Variants in UNC13C observed in about 807,000 individuals in gnomAD.
UNC13C encodes the protein protein unc-13 homolog C.
Under a neutral mutation model 245.4 loss-of-function variants are expected in UNC13C, and 174 were observed. That is an observed-to-expected ratio of 0.71 (90% CI 0.63 to 0.80). The LOEUF is 0.80. UNC13C is among the 30% of genes least tolerant of loss of function. UNC13C has a pLI of 0.00. For synonymous variants in UNC13C, 992 were observed against 895.1 expected (o/e 1.11, Z -1.93); for missense variants, 2,829 against 2,602.9 (o/e 1.09, Z -1.89).
the UNC13C span, among the ~76,000 whole-genome samples, chr15:53,943,527 G>A: frequency 2.0e-5 from 3 of 152,014 alleles, no homozygotes; most frequent in South Asian, 6.2e-4. Flanking sequence ...TAGAAATTTT[G>A]GAAGAACTGA....
chr15:53,958,860 A>G, the UNC13C span, among the ~76,000 whole-genome samples: 2 of 152,174 alleles, frequency 1.3e-5, no homozygotes, highest in African/African-American at 4.8e-5. Flanking sequence ...ATTATTAACT[A>G]TAATTACTGT....
chr15:54,571,921 G>A (rs1015836895), intron 30 of UNC13C, among the ~76,000 whole-genome samples: 1 of 152,190 alleles, frequency 6.6e-6, no homozygotes, highest in Non-Finnish European at 1.5e-5. Flanking sequence ...TATGAGATGG[G>A]ATCCAGTTTC....
chr15:53,898,347 T>C, the UNC13C span, among the ~76,000 whole-genome samples: 1 of 152,206 alleles, frequency 6.6e-6, no homozygotes, highest in African/African-American at 2.4e-5. Flanking sequence ...GGTAAGGTTA[T>C]TGAGTGCAGC....
chr15:54,233,207 G>A (rs1239655259), intron 4 of UNC13C, among the ~76,000 whole-genome samples: 2 of 152,168 alleles, frequency 1.3e-5, no homozygotes, highest in African/African-American at 4.8e-5. Context: ...TCTGGGCAAT[G>A]AGGGAAATCA....
the UNC13C span, among the ~76,000 whole-genome samples, chr15:53,945,255 C>T: frequency 1.9e-4 from 29 of 152,152 alleles, no homozygotes; most frequent in African/African-American, 6.7e-4. Flanking sequence ...CAATTAGATC[C>T]CATTTGTCAA....
At chr15:54,224,159 C>T (rs548977721) in intron 4 of UNC13C, among the ~76,000 whole-genome samples, 1 of 152,072 alleles carries the variant, frequency 6.6e-6, no homozygotes, top group Non-Finnish European at 1.5e-5. Flanking sequence ...GCTAGGACTT[C>T]CAGTACTACG....
chr15:54,496,552 C>T (rs1391217058), intron 20 of UNC13C, among the ~76,000 whole-genome samples: 1 of 151,962 alleles, frequency 6.6e-6, no homozygotes, highest in Non-Finnish European at 1.5e-5. Context: ...AGCCCAAATG[C>T]CCATCAATCA....
chr15:54,022,651 C>A (rs915075648), intron 2 of UNC13C, among the ~76,000 whole-genome samples: 8 of 152,098 alleles, frequency 5.3e-5, no homozygotes, highest in African/African-American at 1.9e-4. Context: ...GACATTAGCC[C>A]CTTATCAAAT....
intron 4 of UNC13C, among the ~76,000 whole-genome samples, chr15:54,198,669 C>G (rs770505007): frequency 2.0e-5 from 3 of 152,092 alleles, no homozygotes; most frequent in Non-Finnish European, 4.4e-5. Context: ...AGGAGAGCAC[C>G]ACATCAAGGG....
intron 2 of UNC13C, among the ~76,000 whole-genome samples, chr15:54,091,896 G>A (rs935996185): frequency 1.3e-5 from 2 of 151,846 alleles, no homozygotes; most frequent in South Asian, 4.2e-4. Context: ...CTCATTGTTG[G>A]CAAACTTTGC....
chr15:54,380,681 T>C (rs995244664), intron 17 of UNC13C, among the ~76,000 whole-genome samples: 1 of 152,216 alleles, frequency 6.6e-6, no homozygotes, highest in Admixed American at 6.5e-5. Flanking sequence ...TATTTCATTG[T>C]GGTTTTAATT....
chr15:54,260,257 A>T (rs983710048), intron 8 of UNC13C, among the ~76,000 whole-genome samples: 3 of 152,164 alleles, frequency 2.0e-5, no homozygotes, highest in African/African-American at 7.2e-5. Flanking sequence ...AGAAATATTT[A>T]CACCACAGAA....
chr15:54,558,508 A>C (rs1393964608), intron 29 of UNC13C, among the ~76,000 whole-genome samples: 1 of 152,076 alleles, frequency 6.6e-6, no homozygotes, highest in East Asian at 1.9e-4. Flanking sequence ...ATACCACGTC[A>C]ATTACTTAGA....
intron 2 of UNC13C, among the ~76,000 whole-genome samples, chr15:54,100,769 G>A (rs1237767680): frequency 6.6e-6 from 1 of 151,014 alleles, no homozygotes; most frequent in South Asian, 2.1e-4. Flanking sequence ...CTTTCTACCT[G>A]CTCCATCACT....
At chr15:54,445,029 T>C (rs1890730750) in intron 19 of UNC13C, among the ~76,000 whole-genome samples, 1 of 137,310 alleles carries the variant, frequency 7.3e-6, no homozygotes, top group South Asian at 2.4e-4. Context: ...AGTGTTCACA[T>C]TGTTCAATGC....
chr15:54,590,035 T>C (rs1898703016), intron 30 of UNC13C, among the ~76,000 whole-genome samples: 2 of 152,218 alleles, frequency 1.3e-5, no homozygotes. Flanking sequence ...GCACCATTTC[T>C]TGCAAACGGT....
chr15:53,968,485 A>G, the UNC13C span, among the ~76,000 whole-genome samples: 1 of 152,144 alleles, frequency 6.6e-6, no homozygotes, highest in Non-Finnish European at 1.5e-5. Flanking sequence ...AGATATACCC[A>G]GTATATTGGG....
the UNC13C span, among the ~76,000 whole-genome samples, chr15:53,898,032 A>G: frequency 6.6e-6 from 1 of 152,148 alleles, no homozygotes; most frequent in Non-Finnish European, 1.5e-5. Flanking sequence ...TTGTGATAAA[A>G]ATGCTGCTCT....
At chr15:54,379,507 T>G (rs2039675714) in intron 17 of UNC13C, among the ~76,000 whole-genome samples, 1 of 152,184 alleles carries the variant, frequency 6.6e-6, no homozygotes, top group Non-Finnish European at 1.5e-5. Context: ...TATACCTTTT[T>G]TAATACCTTT....
Sources: gnomAD v4.1 joint callset for allele counts (sites outside exome capture counted in the v4.1 genomes callset) on GRCh38, gnomAD v4.1.1 for gene constraint, MANE v1.5 for transcripts, NCBI Gene and HGNC (gene_info 2026-07-23, HGNC 2026-07-21) for gene names.